KANK2: variants seen among roughly 807,000 people sequenced by gnomAD.
The protein encoded by KANK2 is KN motif and ankyrin repeat domain-containing protein 2.
Under a neutral mutation model 74.6 loss-of-function variants are expected in KANK2, and 41 were observed. The ratio of observed to expected loss-of-function variants is 0.55; its 90% CI spans 0.43 to 0.71. The LOEUF is 0.71. KANK2 is among the 30% of genes least tolerant of loss of function. The pLI, the probability that KANK2 is intolerant of heterozygous loss-of-function variation, is 0.00. For missense variants in KANK2, 1,148 were observed against 1,196.4 expected (o/e 0.96, Z 0.60); for synonymous variants, 537 against 519.0 (o/e 1.03, Z -0.47).
At chr19:11,185,956 G>A (rs979340654) in intron 4 of KANK2, among the ~76,000 whole-genome samples, 21 of 152,290 alleles carry the variant, frequency 1.4e-4, no homozygotes, top group African/African-American at 5.1e-4. Flanking sequence ...ACTTGAGCCC[G>A]AGAGGTTTAG....
chr19:11,175,255 C>T (rs1375626370), intron 8 of KANK2, among the ~76,000 whole-genome samples: 2 of 151,404 alleles, frequency 1.3e-5, no homozygotes, highest in Admixed American at 1.3e-4. Context: ...GGTGAAACCC[C>T]ATCTCTACTC....
Position 11,170,026 on chromosome 19 carries a change from G to T in KANK2, c.2412+22C>A, listed in dbSNP as rs770721046. The stretch of plus-strand genomic sequence containing the variant: ...ATGCTGTGCTCCCGCCCTCCCCGGG[G>T]TGCACCTGGTTGGAGACTCACGCGA... On this transcript the variant is annotated intron_variant, in intron 11 of 12. Transcript: ENST00000586659. This position sits in a 1 kb window ranked among gnomAD's most constrained non-coding sequence, Gnocchi z 5.2. 6.2e-7 allele frequency: 1 copy of T among 1,612,184 alleles called. No individual in the cohort carries two copies. Among genetic ancestry groups the T allele is most frequent in the Non-Finnish European group, 8.5e-7 (1 of 1,178,450 alleles).
chr19:11,179,382 T>TAA (rs1409885740), intron 4 of KANK2, among the ~76,000 whole-genome samples: 1 of 149,172 alleles, frequency 6.7e-6, no homozygotes, highest in African/African-American at 2.5e-5. Flanking sequence ...CTCATGCCTG[T>TAA]AATCCCAGTA....
At chr19:11,171,998 C>A (rs1174401131) in intron 10 of KANK2, among the ~76,000 whole-genome samples, 2 of 118,398 alleles carry the variant, frequency 1.7e-5, no homozygotes, top group African/African-American at 6.7e-5. Flanking sequence ...TTTTTTGAGA[C>A]AGAGTCTCAC....
At chr19:11,180,583 C>T (rs1336468743) in intron 4 of KANK2, among the ~76,000 whole-genome samples, 1 of 152,120 alleles carries the variant, frequency 6.6e-6, no homozygotes, top group African/African-American at 2.4e-5. Context: ...CCAGCTCATA[C>T]CACAGAAAAC....
At chr19:11,186,564 G>A (rs1271959491) in intron 4 of KANK2, among the ~76,000 whole-genome samples, 1 of 151,158 alleles carries the variant, frequency 6.6e-6, no homozygotes, top group African/African-American at 2.4e-5. Context: ...AGGCGTGGTG[G>A]GGCGCATGCC....
rs2078960306 is a variant in KANK2 at position 11,194,528 on chromosome 19, G to A, written c.-17C>T. ...CTGGGCCATCTTCTTTTCTACAGAT[G>A]CTCCTTGGAAGTCACTTGAGGGACT... On this transcript the variant is annotated 5_prime_UTR_variant, in exon 3 of 13. Coordinates refer to ENST00000586659, the MANE Select transcript of KANK2 (RefSeq NM_001136191.3). The A allele has an allele frequency of 6.2e-7, 1 of 1,610,052 alleles. No homozygotes were observed. Among genetic ancestry groups the A allele is most frequent in the Non-Finnish European group, 8.5e-7 (1 of 1,176,980 alleles).
chr19:11,175,966 A>G lies in KANK2; in HGVS notation c.1784T>C (p.Ile595Thr). The G allele has an allele frequency of 6.2e-7, 1 of 1,613,852 alleles. No individual in the cohort carries two copies. Among genetic ancestry groups the G allele is most frequent in the Non-Finnish European group, 8.5e-7 (1 of 1,179,864 alleles). Residue 595 changes from isoleucine (I) to threonine (T), a missense_variant, in exon 8 of 13, where the codon ATC becomes ACC. Coordinates refer to ENST00000586659, the MANE Select transcript of KANK2 (RefSeq NM_001136191.3). ...EIRMELSPDL[I>T]SACLALEKYL... ...CTTTTCCAGGGCCAAGCAGGCTGAG[A>G]TGAGGTCAGGGCTTAGCTCCATCCT...
chr19:11,190,192 T>C (rs2078801172), intron 4 of KANK2, among the ~76,000 whole-genome samples: 2 of 152,100 alleles, frequency 1.3e-5, no homozygotes, highest in Admixed American at 6.6e-5. Flanking sequence ...TAGAGTGCAG[T>C]GGTGCGACCT....
In KANK2 at chr19:11,174,601, G is replaced by A. The variant is rs765508139; in HGVS notation, c.1940C>T (p.Thr647Met). 12 of 1,612,802 alleles carry A rather than the reference G, an allele frequency of 7.4e-6. No individual in the cohort carries two copies. Among genetic ancestry groups the A allele is most frequent in the Admixed American group, 6.7e-5 (4 of 59,940 alleles). ...CAGCCGCGCAGACATGGCCCGGAACGTGACCAGGTGCCGCCGCACCAGCTC... is the reference window on the plus strand; with the variant it reads ...CAGCCGCGCAGACATGGCCCGGAACATGACCAGGTGCCGCCGCACCAGCTC... ...HPELVRRHLV[T>M]FRAMSARLLD... The change falls in exon 9 of 13, where the codon ACG (threonine) becomes ATG (methionine). Residue 647 changes from threonine (T) to methionine (M), a missense_variant. Physicochemically the swap from Thr to Met is moderately conservative, Grantham distance 81 (BLOSUM62 -1). Transcript: ENST00000586659.
At chr19:11,176,896 G>A in intron 6 of KANK2, 79 bp from the exon 7 acceptor site, 1 of 1,456,364 alleles carries the variant, frequency 6.9e-7, no homozygotes, top group Non-Finnish European at 9.1e-7. Flanking sequence ...GGGATCTGGT[G>A]ATCTGACCTC....
At chr19:11,173,259 C>T in intron 9 of KANK2, 136 bp from the exon 10 acceptor site, 3 of 839,384 alleles carry the variant, frequency 3.6e-6, no homozygotes, top group Non-Finnish European at 3.5e-6. Flanking sequence ...CCCACTCTGC[C>T]CTAGAGGTCT....
chr19:11,167,223 G>T (rs1448738148), intron 12 of KANK2, among the ~76,000 whole-genome samples: 1 of 151,592 alleles, frequency 6.6e-6, no homozygotes, highest in Non-Finnish European at 1.5e-5. Context: ...GCGCCACCAC[G>T]CCCGGCTAAT....
Position 11,165,970 on chromosome 19 carries a change from A to C in KANK2, c.*588T>G, listed in dbSNP as rs2078014576. 1 of 152,568 alleles carries C rather than the reference A, an allele frequency of 6.6e-6. No individual in the cohort carries two copies. The allele number at this position is 152,568 out of a possible 1,614,324, so 9.5% of individuals were successfully genotyped here. ...TTTCTGTCCCGGGTGACAAGGACAG[A>C]ATCTGTCTTGTGAAACAACCAGAAG... On this transcript the variant is annotated 3_prime_UTR_variant, in exon 13 of 13. Transcript: ENST00000586659.
chr19:11,175,427 CAAAAAAAA>C (rs753933217), intron 8 of KANK2, among the ~76,000 whole-genome samples: 27 of 14,970 alleles, frequency 1.8e-3, no homozygotes, highest in Middle Eastern at 0.045. Flanking sequence ...GACTCCCTCT[CAAAAAAAA>C]AAAAAAAAAA....
intron 4 of KANK2, among the ~76,000 whole-genome samples, chr19:11,189,949 C>T: frequency 6.6e-6 from 1 of 151,986 alleles, no homozygotes; most frequent in Non-Finnish European, 1.5e-5. Flanking sequence ...GGGTGGTGTC[C>T]AGAGCTGGCC....
intron 10 of KANK2, among the ~76,000 whole-genome samples, 158 bp downstream of exon 10, chr19:11,172,823 C>A (rs1226451505): frequency 6.6e-6 from 1 of 152,150 alleles, no homozygotes; most frequent in African/African-American, 2.4e-5. Flanking sequence ...ATCCTCTACT[C>A]CTTCTAGTTT....
rs1221684444 is a variant in KANK2 at position 11,194,494 on chromosome 19, G to A, written c.18C>T (p.His6=). The part of the protein sequence containing the change: MAQVL[H]VPAPFPGTPG... ...CCTGACCTGGGAAGGGAGCAGGCAC[G>A]TGCAGGACCTGGGCCATCTTCTTTT... The change falls in exon 3 of 13, where the codon CAC becomes CAT. Residue 6 remains histidine, a synonymous_variant. Transcript: ENST00000586659. The A allele has an allele frequency of 6.8e-6, 11 of 1,612,760 alleles. No individual in the cohort carries two copies. The highest frequency in any genetic ancestry group is 2.2e-5 in the East Asian group (1 of 44,868).
At chr19:11,174,292 C>T (rs1330085961) in intron 9 of KANK2, among the ~76,000 whole-genome samples, 181 bp downstream of exon 9, 1 of 152,118 alleles carries the variant, frequency 6.6e-6, no homozygotes, top group African/African-American at 2.4e-5. Flanking sequence ...CACATCCAAT[C>T]GGAAGGTGGC....
Sources: allele counts gnomAD v4.1 joint callset (sites outside exome capture counted in the v4.1 genomes callset), GRCh38; gene constraint gnomAD v4.1.1; non-coding constraint Gnocchi (gnomAD v3.1); transcripts MANE v1.5; gene names NCBI Gene and HGNC (gene_info 2026-07-23, HGNC 2026-07-21).